The following PTPRD variants were observed in gnomAD, a reference collection of about 807,000 sequenced individuals.
PTPRD encodes the protein receptor-type tyrosine-protein phosphatase delta.
In PTPRD, 34 loss-of-function variants were observed where a neutral mutation model predicts 214.5. That is an observed-to-expected ratio of 0.16 (90% CI 0.12 to 0.21). PTPRD has a LOEUF of 0.21. Ranked by LOEUF, PTPRD falls within the 10% of genes least tolerant of loss-of-function variation. The probability of loss-of-function intolerance (pLI) is 1.00; values close to 1 mark genes in which losing one functional copy is unlikely to be tolerated. For missense variants in PTPRD, 2,545 were observed against 2,398.7 expected (o/e 1.06, Z -1.27); for synonymous variants, 1,128 against 845.7 (o/e 1.33, Z -5.79).
At chr9:8,994,209 T>C (rs1419236930) in intron 11 of PTPRD, among the ~76,000 whole-genome samples, 1 of 152,140 alleles carries the variant, frequency 6.6e-6, no homozygotes, top group Non-Finnish European at 1.5e-5. Context: ...CTTATTGCTT[T>C]AAATAACTTG....
chr9:10,098,922 T>C (rs1159624761), intron 3 of PTPRD, among the ~76,000 whole-genome samples: 1 of 151,702 alleles, frequency 6.6e-6, no homozygotes, highest in East Asian at 1.9e-4. Context: ...TTTCTACAGG[T>C]TAAAAATTGG....
chr9:9,011,015 A>G (rs2099509669), intron 11 of PTPRD, among the ~76,000 whole-genome samples: 2 of 152,186 alleles, frequency 1.3e-5, no homozygotes, highest in African/African-American at 2.4e-5. Context: ...CCTAGGATTC[A>G]TATGTAGCAT....
intron 14 of PTPRD, among the ~76,000 whole-genome samples, chr9:8,562,482 G>C (rs557489490): frequency 7.9e-5 from 12 of 151,654 alleles, no homozygotes; most frequent in African/African-American, 2.7e-4. Flanking sequence ...TGTCATGCAG[G>C]CTGGTGTGCA....
At chr9:8,898,024 A>T (rs1566896407) in intron 11 of PTPRD, among the ~76,000 whole-genome samples, 1 of 152,200 alleles carries the variant, frequency 6.6e-6, no homozygotes. Flanking sequence ...ATTAGCTGAA[A>T]TATGGTCACC....
intron 8 of PTPRD, among the ~76,000 whole-genome samples, chr9:9,508,342 C>T (rs528241718): frequency 3.3e-5 from 5 of 151,378 alleles, no homozygotes; most frequent in South Asian, 2.1e-4. Context: ...TCTTTCAACG[C>T]GTTGTTTCTT....
intron 3 of PTPRD, among the ~76,000 whole-genome samples, chr9:10,034,309 AT>A (rs1353750007): frequency 6.6e-6 from 1 of 151,486 alleles, no homozygotes; most frequent in East Asian, 1.9e-4. Flanking sequence ...ATCTCTGATT[AT>A]TTAACCTCTA....
At chr9:9,238,001 G>A (rs7863734) in intron 9 of PTPRD, among the ~76,000 whole-genome samples, 9,665 of 151,948 alleles carry the variant, frequency 0.064, 341 homozygotes, top group African/African-American at 0.081. Flanking sequence ...TCCTTGATAT[G>A]TTCCCCTTCA....
At chr9:8,527,323 C>G in intron 16 of PTPRD, 22 bp downstream of exon 16, 2 of 1,602,738 alleles carry the variant, frequency 1.2e-6, no homozygotes, top group Non-Finnish European at 8.5e-7. Context: ...GGTTGAAGTG[C>G]GCTTCAGAAC....
chr9:9,848,282 C>G (rs1282080950), intron 5 of PTPRD, among the ~76,000 whole-genome samples: 2 of 152,086 alleles, frequency 1.3e-5, no homozygotes, highest in African/African-American at 4.8e-5. Flanking sequence ...CAACACATGT[C>G]CCCTTAATGC....
chr9:9,511,334 C>G (rs574841909), intron 8 of PTPRD, among the ~76,000 whole-genome samples: 3 of 151,768 alleles, frequency 2.0e-5, no homozygotes, highest in South Asian at 4.1e-4. Context: ...AAAGAAGAAT[C>G]TGGTAGCTGA....
At chr9:10,531,598 T>A (rs2056341898) in intron 2 of PTPRD, among the ~76,000 whole-genome samples, 1 of 152,186 alleles carries the variant, frequency 6.6e-6, no homozygotes, top group Non-Finnish European at 1.5e-5. Flanking sequence ...TAAATCATTG[T>A]GAAGTGGTGA....
intron 30 of PTPRD, among the ~76,000 whole-genome samples, chr9:8,473,010 A>C (rs2096685759): frequency 6.6e-6 from 1 of 152,228 alleles, no homozygotes; most frequent in South Asian, 2.1e-4. Context: ...AGCAGTAAAC[A>C]GATACCAGCT....
intron 3 of PTPRD, among the ~76,000 whole-genome samples, chr9:10,294,064 T>C (rs1390849388): frequency 2.0e-5 from 3 of 151,974 alleles, no homozygotes; most frequent in Non-Finnish European, 4.4e-5. Flanking sequence ...TACAAAGTTC[T>C]ATCGACATTA....
intron 4 of PTPRD, among the ~76,000 whole-genome samples, chr9:10,025,751 G>A (rs368704746): frequency 2.0e-5 from 3 of 152,106 alleles, no homozygotes; most frequent in Non-Finnish European, 2.9e-5. Flanking sequence ...GAGCTGTGCC[G>A]CCTCCACTGA....
chr9:9,137,327 T>C (rs1410984126), intron 10 of PTPRD, among the ~76,000 whole-genome samples: 1 of 152,206 alleles, frequency 6.6e-6, no homozygotes, highest in African/African-American at 2.4e-5. Context: ...TTTGCCTTAA[T>C]GTATCATTCT....
chr9:8,601,973 G>A (rs1284292994), intron 14 of PTPRD, among the ~76,000 whole-genome samples: 2 of 152,096 alleles, frequency 1.3e-5, no homozygotes, highest in Non-Finnish European at 2.9e-5. Context: ...AGTGACAATG[G>A]TGACCCAATG....
intron 2 of PTPRD, among the ~76,000 whole-genome samples, chr9:10,404,310 T>C (rs967546360): frequency 1.1e-4 from 17 of 151,876 alleles, no homozygotes; most frequent in African/African-American, 3.4e-4. Flanking sequence ...CTTTGTGAAA[T>C]TGTTTAATAT....
intron 3 of PTPRD, among the ~76,000 whole-genome samples, chr9:10,324,498 A>G (rs769371220): frequency 8.5e-5 from 13 of 152,064 alleles, no homozygotes; most frequent in Non-Finnish European, 1.8e-4. Context: ...GTTAGTATCA[A>G]TGTTATTAAA....
chr9:10,332,946 A>G (rs1486089400), intron 3 of PTPRD, among the ~76,000 whole-genome samples: 1 of 151,892 alleles, frequency 6.6e-6, no homozygotes, highest in African/African-American at 2.4e-5. Context: ...TTTATTATGT[A>G]TATAACGTAA....
Sources: gnomAD v4.1 joint callset for allele counts (sites outside exome capture counted in the v4.1 genomes callset) on GRCh38, gnomAD v4.1.1 for gene constraint, MANE v1.5 for transcripts, NCBI Gene and HGNC (gene_info 2026-07-23, HGNC 2026-07-21) for gene names.